The following CDC27 variants were observed in gnomAD, a reference collection of about 807,000 sequenced individuals.
The protein encoded by CDC27 is cell division cycle 27, also known as cell division cycle protein 27 homolog.
A neutral mutation model predicts 109.7 loss-of-function variants in CDC27; 27 were observed. The ratio of observed to expected loss-of-function variants is 0.25; its 90% CI spans 0.18 to 0.34. CDC27 has a LOEUF of 0.34. Among genes scored for constraint, CDC27 ranks in the 10% least tolerant of loss-of-function variants. The pLI is 1.00. For missense variants in CDC27, 579 were observed against 960.2 expected (o/e 0.60, Z 5.25); for synonymous variants, 266 against 333.9 (o/e 0.80, Z 2.22).
rs2061951645 is a variant in CDC27 at position 47,120,152 on chromosome 17, A to G, written c.*783T>C. 6.6e-6 allele frequency: 1 copy of G among 152,200 alleles called. No homozygotes were observed. Among genetic ancestry groups the G allele is most frequent in the Non-Finnish European group, 1.5e-5 (1 of 68,040 alleles). The allele number at this position is 152,200 out of a possible 1,614,324, so 9.4% of individuals were successfully genotyped here. The stretch of plus-strand genomic sequence containing the variant: ...CTTCTCAGTGGGGAACCACTCTATC[A>G]TCTCTGAATGTTAAAGGTGATCCCA... On this transcript the variant is annotated 3_prime_UTR_variant, in exon 19 of 19. Transcript: ENST00000066544.
In CDC27 at chr17:47,128,357, T is replaced by C. The variant is rs531600471; in HGVS notation, c.2160+1036A>G. Reference sequence around the variant, plus strand: ...TGAATTTATTTTAAAAGATTTTGCTTCATGGTTTCTGATTGAATAAATGAT... The same window carrying C: ...TGAATTTATTTTAAAAGATTTTGCTCCATGGTTTCTGATTGAATAAATGAT... On this transcript the variant is annotated intron_variant, in intron 16 of 18. Coordinates refer to ENST00000066544, the MANE Select transcript of CDC27 (RefSeq NM_001256.6). Among the ~76,000 whole-genome samples the C allele has an allele frequency of 8.9e-4, 135 of 152,262 alleles. 1 individual carries two copies. The highest frequency in any genetic ancestry group is 3.2e-3 in the African/African-American group (132 of 41,564).
At chr17:47,182,318 A>T (rs950029911) in intron 1 of CDC27, among the ~76,000 whole-genome samples, 29 of 152,322 alleles carry the variant, frequency 1.9e-4, no homozygotes, top group African/African-American at 6.5e-4. Context: ...ATATAACCTA[A>T]AGTATATATG....
intron 2 of CDC27, among the ~76,000 whole-genome samples, chr17:47,180,343 C>T (rs570899284): frequency 2.6e-5 from 4 of 152,152 alleles, no homozygotes; most frequent in Non-Finnish European, 5.9e-5. Context: ...ATCTTCCTCA[C>T]TTTTCTCACT....
At chr17:47,159,688 G>C in intron 4 of CDC27, 1 of 425,956 alleles carries the variant, frequency 2.3e-6, no homozygotes, top group Non-Finnish European at 4.3e-6. Flanking sequence ...AGTCCTCGAT[G>C]GCAACAAACG....
At chr17:47,178,555 A>G (rs1286398015) in intron 2 of CDC27, among the ~76,000 whole-genome samples, 1 of 9,274 alleles carries the variant, frequency 1.1e-4, no homozygotes, top group Admixed American at 2.2e-3. Flanking sequence ...AAAAATAAGA[A>G]AAAAAAAAAA....
At chr17:47,147,005 C>G (rs1257162922) in intron 9 of CDC27, among the ~76,000 whole-genome samples, 1 of 152,098 alleles carries the variant, frequency 6.6e-6, no homozygotes, top group Non-Finnish European at 1.5e-5. Context: ...TGAGGCTGCA[C>G]TGAGCTATAA....
rs753535732 is a variant in CDC27 at position 47,156,907 on chromosome 17, A to T, written c.842+6T>A. On this transcript the variant is annotated splice_donor_region_variant and intron_variant, in intron 7 of 18. Transcript: ENST00000066544. ...AGCACATTTGAAAGTATCTTGTTTG[A>T]CTTACCTTGGGGTTAATGGACTAAG... 8.9e-7 allele frequency: 1 copy of T among 1,121,062 alleles called. No individual in the cohort carries two copies. The highest frequency in any genetic ancestry group is 1.6e-5 in the South Asian group (1 of 62,008). 69.4% of individuals were successfully genotyped at this position (1,121,062 alleles called of 1,614,324 possible). A position where few individuals can be genotyped will look rare whatever the true frequency, so the allele number is the denominator to read the frequency against.
At chr17:47,168,830 T>A (rs765916650) in intron 4 of CDC27, among the ~76,000 whole-genome samples, 15 of 151,960 alleles carry the variant, frequency 9.9e-5, no homozygotes, top group Non-Finnish European at 1.9e-4. Flanking sequence ...AAATAACCAA[T>A]ATTCAAACTA....
In CDC27 at chr17:47,120,665, A is replaced by G; in HGVS notation, c.*270T>C. 1 of 329,834 alleles carries G rather than the reference A, an allele frequency of 3.0e-6. No individual in the cohort carries two copies. The highest frequency in any genetic ancestry group is 8.6e-5 in the South Asian group (1 of 11,604). 20.4% of individuals were successfully genotyped at this position (329,834 alleles called of 1,614,324 possible). ...TTTCATGATACTTTCCAACAAAGGG[A>G]GATTAAAGAAAAACAGAAAAGAAAG... On this transcript the variant is annotated 3_prime_UTR_variant, in exon 19 of 19. Coordinates refer to ENST00000066544, the MANE Select transcript of CDC27 (RefSeq NM_001256.6).
At chr17:47,181,320 A>G (rs948129060) in intron 2 of CDC27, 1 of 235,892 alleles carries the variant, frequency 4.2e-6, no homozygotes, top group Non-Finnish European at 8.0e-6. Flanking sequence ...GGAAAAAAAA[A>G]CCTAAAGATT....
At chr17:47,128,827 G>C (rs1686158319) in intron 16 of CDC27, among the ~76,000 whole-genome samples, 14 of 150,174 alleles carry the variant, frequency 9.3e-5, no homozygotes, top group Admixed American at 9.3e-4. Context: ...CTGGAGAGCA[G>C]TGGTGTGATC....
chr17:47,151,373 T>C (rs1200308007), intron 9 of CDC27, among the ~76,000 whole-genome samples: 1 of 152,236 alleles, frequency 6.6e-6, no homozygotes, highest in African/African-American at 2.4e-5. Flanking sequence ...TATAATCTAT[T>C]GAGTCCTTGA....
At chr17:47,124,088 T>C in intron 16 of CDC27, 128 bp from the exon 17 acceptor site, 1 of 600,310 alleles carries the variant, frequency 1.7e-6, no homozygotes, top group East Asian at 2.9e-5. Context: ...TATACTTCCT[T>C]ATTGTATTAG....
At chr17:47,177,612 A>C (rs1277782806) in intron 2 of CDC27, among the ~76,000 whole-genome samples, 2 of 152,208 alleles carry the variant, frequency 1.3e-5, no homozygotes, top group Non-Finnish European at 2.9e-5. Flanking sequence ...TGTAAAACCC[A>C]CATTAATTTA....
intron 13 of CDC27, among the ~76,000 whole-genome samples, chr17:47,138,060 C>A (rs1435570466): frequency 1.3e-5 from 2 of 152,112 alleles, no homozygotes; most frequent in African/African-American, 4.8e-5. Flanking sequence ...CTCAGCCTCC[C>A]GAAGTGCTGG....
At chr17:47,176,006 G>A (rs1488918966) in intron 2 of CDC27, among the ~76,000 whole-genome samples, 3 of 151,660 alleles carry the variant, frequency 2.0e-5, no homozygotes, top group Admixed American at 6.6e-5. Context: ...TTTTTCATCC[G>A]GTAAGGACTA....
intron 4 of CDC27, among the ~76,000 whole-genome samples, chr17:47,165,145 A>G (rs1357329115): frequency 1.3e-5 from 2 of 152,218 alleles, no homozygotes; most frequent in Non-Finnish European, 2.9e-5. Context: ...GTTACTATAC[A>G]TATCAATATA....
chr17:47,172,584 T>C (rs191068147), intron 2 of CDC27, among the ~76,000 whole-genome samples: 1 of 152,270 alleles, frequency 6.6e-6, no homozygotes, highest in Admixed American at 6.5e-5. Flanking sequence ...TTAAGATAAA[T>C]TATAAATTGT....
intron 1 of CDC27, 111 bp downstream of exon 1, chr17:47,189,035 A>G (rs2149031343): frequency 6.6e-7 from 1 of 1,506,006 alleles, no homozygotes; most frequent in East Asian, 2.3e-5. Flanking sequence ...GCAGCAGGGG[A>G]GGCGGGAGAA....
Sources: allele counts gnomAD v4.1 joint callset (sites outside exome capture counted in the v4.1 genomes callset), GRCh38; gene constraint gnomAD v4.1.1; transcripts MANE v1.5; gene names NCBI Gene and HGNC (gene_info 2026-07-23, HGNC 2026-07-21).